CPE: variants seen among roughly 807,000 people sequenced by gnomAD.
The protein encoded by CPE is carboxypeptidase E, also known as carbocypeptidase E.
Under a neutral mutation model 53.5 loss-of-function variants are expected in CPE, and 17 were observed. The observed-to-expected ratio is 0.32, with a 90% CI of 0.22 to 0.48. CPE has a LOEUF of 0.48. Among genes scored for constraint, CPE ranks in the 20% least tolerant of loss-of-function variants. CPE has a pLI of 0.99. For synonymous variants in CPE, 226 were observed against 228.8 expected, an observed-to-expected ratio of 0.99 and a Z score of 0.11; for missense variants, 524 against 614.7, an observed-to-expected ratio of 0.85 and a Z score of 1.56.
At chr4:165,490,558 G>A (rs1579284782) in intron 6 of CPE, among the ~76,000 whole-genome samples, 1 of 148,558 alleles carries the variant, frequency 6.7e-6, no homozygotes, top group African/African-American at 2.5e-5. Flanking sequence ...GCATGAACCC[G>A]GGAGGCGGAG....
chr4:165,405,883 G>T, intron 1 of CPE: 1 of 737,858 alleles, frequency 1.4e-6, no homozygotes. Context: ...TCTGTCTTTT[G>T]TTGCTATTTT....
At chr4:165,394,142 G>C (rs753644703) in intron 1 of CPE, among the ~76,000 whole-genome samples, 2 of 152,150 alleles carry the variant, frequency 1.3e-5, no homozygotes, top group Non-Finnish European at 2.9e-5. Context: ...ATAATGGATG[G>C]GGACATCAGC....
intron 1 of CPE, among the ~76,000 whole-genome samples, chr4:165,382,025 G>A (rs915486571): frequency 4.1e-4 from 63 of 152,238 alleles, no homozygotes; most frequent in African/African-American, 1.4e-3. Flanking sequence ...GGGCAATAGA[G>A]AATTGGGAGC....
intron 1 of CPE, among the ~76,000 whole-genome samples, chr4:165,448,449 T>G (rs1466742000): frequency 2.6e-5 from 4 of 152,124 alleles, no homozygotes; most frequent in Admixed American, 2.6e-4. Context: ...CCCTAGCCCA[T>G]CTGCTGAGAA....
At chr4:165,400,551 G>T (rs575413494) in intron 1 of CPE, among the ~76,000 whole-genome samples, 3 of 151,956 alleles carry the variant, frequency 2.0e-5, no homozygotes, top group African/African-American at 7.2e-5. Flanking sequence ...TCCCAGCACT[G>T]GTTGGAAGTC....
intron 1 of CPE, among the ~76,000 whole-genome samples, chr4:165,462,560 T>G (rs1732026928): frequency 6.6e-6 from 1 of 152,166 alleles, no homozygotes; most frequent in Admixed American, 6.5e-5. Flanking sequence ...CAGCAGTTTC[T>G]CCTGTGCCTC....
intron 1 of CPE, among the ~76,000 whole-genome samples, chr4:165,380,915 T>A (rs13117402): frequency 1.3e-5 from 2 of 152,238 alleles, no homozygotes; most frequent in East Asian, 3.8e-4. Flanking sequence ...TTTCATACTG[T>A]TATCTGAAGA....
intron 1 of CPE, among the ~76,000 whole-genome samples, chr4:165,432,070 G>T (rs1434859023): frequency 6.6e-6 from 1 of 151,602 alleles, no homozygotes; most frequent in Non-Finnish European, 1.5e-5. Context: ...TGATGCCAGA[G>T]AAAAAGAAGG....
Position 165,487,514 on chromosome 4 carries a change from T to G in CPE, c.1050T>G (p.Pro350=). The G allele has an allele frequency of 1.2e-6, 2 of 1,614,098 alleles. No individual in the cohort carries two copies. Among genetic ancestry groups the G allele is most frequent in the Non-Finnish European group, 1.7e-6 (2 of 1,180,012 alleles). The change falls in exon 6 of 9, where the codon CCT becomes CCG. Residue 350 remains proline, a synonymous_variant. Coordinates refer to ENST00000402744, the MANE Select transcript of CPE (RefSeq NM_001873.4). The part of the protein sequence containing the change: ...TVELSCEKFP[P]EETLKTYWED... ...AGCTTAGCTGTGAGAAGTTCCCACC[T>G]GAAGAGACTCTGAAGACCTACTGGG...
chr4:165,422,945 C>A (rs1480902430), intron 1 of CPE, among the ~76,000 whole-genome samples: 3 of 142,272 alleles, frequency 2.1e-5, no homozygotes, highest in African/African-American at 8.0e-5. Context: ...CCACTGCCCT[C>A]CAGCCTGGGC....
chr4:165,451,921 C>T (rs550929441), intron 1 of CPE, among the ~76,000 whole-genome samples: 1 of 151,994 alleles, frequency 6.6e-6, no homozygotes, highest in East Asian at 1.9e-4. Context: ...GTACCGCCCC[C>T]CCAACCCCCG....
chr4:165,444,787 A>G (rs561379780), intron 1 of CPE, among the ~76,000 whole-genome samples: 4 of 152,358 alleles, frequency 2.6e-5, no homozygotes, highest in African/African-American at 9.6e-5. Flanking sequence ...CTTCAGTTGC[A>G]CAAACCGTGT....
chr4:165,391,811 G>C (rs534273003), intron 1 of CPE, among the ~76,000 whole-genome samples: 1 of 152,032 alleles, frequency 6.6e-6, no homozygotes. Flanking sequence ...TTGTATGAAG[G>C]TATTGACTCT....
chr4:165,417,150 T>C (rs1731138267), intron 1 of CPE, among the ~76,000 whole-genome samples: 1 of 151,988 alleles, frequency 6.6e-6, no homozygotes, highest in African/African-American at 2.4e-5. Flanking sequence ...GAAGAAGGAA[T>C]GGGTGAGTGG....
At chr4:165,454,876 G>A (rs746081786) in intron 1 of CPE, among the ~76,000 whole-genome samples, 4 of 152,176 alleles carry the variant, frequency 2.6e-5, no homozygotes, top group East Asian at 1.9e-4. Context: ...AAGATACAGC[G>A]CCTGCTTCTC....
intron 1 of CPE, among the ~76,000 whole-genome samples, chr4:165,425,842 G>C (rs962604834): frequency 1.3e-5 from 2 of 152,148 alleles, no homozygotes; most frequent in Non-Finnish European, 2.9e-5. Context: ...CTGACATCTG[G>C]TGGAGGCCAT....
At chr4:165,483,400 A>G (rs894275162) in intron 4 of CPE, among the ~76,000 whole-genome samples, 13 of 152,298 alleles carry the variant, frequency 8.5e-5, no homozygotes, top group South Asian at 8.3e-4. Context: ...TTGATGGACA[A>G]TTAGGTTGAT....
chr4:165,409,155 C>A (rs1299621143), intron 1 of CPE, among the ~76,000 whole-genome samples: 1 of 152,152 alleles, frequency 6.6e-6, no homozygotes, highest in Non-Finnish European at 1.5e-5. Flanking sequence ...AGAGAGAGCA[C>A]TTAAGTGTCA....
At chr4:165,492,514 G>A (rs866955979) in intron 6 of CPE, among the ~76,000 whole-genome samples, 3 of 152,078 alleles carry the variant, frequency 2.0e-5, no homozygotes, top group African/African-American at 7.2e-5. Flanking sequence ...TTATTCAGCC[G>A]GGAGCATCGT....
Sources: allele counts gnomAD v4.1 joint callset (sites outside exome capture counted in the v4.1 genomes callset), GRCh38; gene constraint gnomAD v4.1.1; transcripts MANE v1.5; gene names NCBI Gene and HGNC (gene_info 2026-07-23, HGNC 2026-07-21).